MSRA: variants seen among roughly 807,000 people sequenced by gnomAD.
MSRA encodes the protein mitochondrial peptide methionine sulfoxide reductase.
MSRA carries 54 observed loss-of-function variants against 31.3 expected under a neutral mutation model. The ratio of observed to expected loss-of-function variants is 1.73; its 90% CI spans 1.39 to 2.17. The LOEUF is 2.17. Among genes scored for constraint, MSRA ranks in the 30% most tolerant of loss-of-function variants. The pLI is 0.00. For synonymous variants in MSRA, 169 were observed against 116.5 expected (o/e 1.45, Z -2.90); for missense variants, 507 against 300.9 (o/e 1.69, Z -5.07).
chr8:10,087,895 A>C (rs1798649925), intron 1 of MSRA, among the ~76,000 whole-genome samples: 1 of 152,260 alleles, frequency 6.6e-6, no homozygotes. Context: ...TAAACCTCAT[A>C]CATATAAATC....
At chr8:10,086,969 G>T (rs989940740) in intron 1 of MSRA, among the ~76,000 whole-genome samples, 1 of 152,008 alleles carries the variant, frequency 6.6e-6, no homozygotes, top group Non-Finnish European at 1.5e-5. Context: ...CCTTAGGAAG[G>T]AGGGCTCTCA....
intron 1 of MSRA, among the ~76,000 whole-genome samples, chr8:10,172,351 G>A (rs2129046806): frequency 6.6e-6 from 1 of 152,282 alleles, no homozygotes; most frequent in Non-Finnish European, 1.5e-5. Context: ...CAGAAAAGAT[G>A]GGACTGGTAG....
intron 5 of MSRA, chr8:10,353,566 T>C (rs1418887861): frequency 4.4e-6 from 2 of 455,508 alleles, no homozygotes; most frequent in Non-Finnish European, 8.8e-6. Flanking sequence ...CGAGATGCAA[T>C]TTTCTGGGTA....
intron 1 of MSRA, among the ~76,000 whole-genome samples, chr8:10,070,321 A>G (rs1345592679): frequency 6.6e-6 from 1 of 152,224 alleles, no homozygotes; most frequent in Non-Finnish European, 1.5e-5. Flanking sequence ...ACCTAGTCAC[A>G]TTTGATGAAA....
chr8:10,111,505 C>T (rs1312741319), intron 1 of MSRA, among the ~76,000 whole-genome samples: 1 of 152,146 alleles, frequency 6.6e-6, no homozygotes, highest in Non-Finnish European at 1.5e-5. Context: ...TTCTTCACTC[C>T]TGCAGTAAGG....
intron 5 of MSRA, among the ~76,000 whole-genome samples, chr8:10,379,810 G>A (rs141773620): frequency 1.2e-4 from 18 of 152,286 alleles, no homozygotes; most frequent in African/African-American, 3.4e-4. Flanking sequence ...GTCTGCAGGC[G>A]TGCTCCATCA....
chr8:10,207,605 C>G (rs1006273132), intron 1 of MSRA, among the ~76,000 whole-genome samples: 1 of 152,132 alleles, frequency 6.6e-6, no homozygotes, highest in Non-Finnish European at 1.5e-5. Context: ...TGCACAAGCT[C>G]AGACCTCAGC....
rs1231330235 is a variant in MSRA, at chr8:10,138,875, CA to C, written c.143-68957del. 2.0e-4 allele frequency among the ~76,000 whole-genome samples: 31 copies of C among 152,108 alleles called. 1 individual carries two copies. The highest frequency in any genetic ancestry group is 7.4e-5 in the Non-Finnish European group (5 of 68,022). On this transcript the variant is annotated intron_variant, in intron 1 of 5. Coordinates refer to ENST00000317173, the MANE Select transcript of MSRA (RefSeq NM_012331.5). ...CTTAAAATGATAGCAGCAGCAGCAG[CA>C]GCAAGACTCACAGCAGCAGAGCTAG... is the stretch of plus-strand genomic sequence containing the variant.
chr8:10,413,067 C>A (rs762404933), intron 5 of MSRA, among the ~76,000 whole-genome samples: 8 of 152,204 alleles, frequency 5.3e-5, no homozygotes, highest in Non-Finnish European at 1.0e-4. Context: ...CAGGAAACAA[C>A]CTAAGTGGCC....
chr8:10,071,838 G>C (rs547191707), intron 1 of MSRA, among the ~76,000 whole-genome samples: 1 of 152,148 alleles, frequency 6.6e-6, no homozygotes, highest in Non-Finnish European at 1.5e-5. Flanking sequence ...CCAGACACTT[G>C]TGCCCGCTGT....
intron 1 of MSRA, among the ~76,000 whole-genome samples, chr8:10,063,262 T>A (rs920594414): frequency 6.6e-6 from 1 of 152,206 alleles, no homozygotes; most frequent in African/African-American, 2.4e-5. Context: ...TGACTTCTTT[T>A]CTTCATTGGT....
intron 5 of MSRA, among the ~76,000 whole-genome samples, chr8:10,367,705 C>T (rs1275474705): frequency 2.6e-5 from 4 of 152,342 alleles, no homozygotes; most frequent in African/African-American, 4.8e-5. Flanking sequence ...GCTCCGATCG[C>T]GGGCATCCCA....
intron 3 of MSRA, among the ~76,000 whole-genome samples, chr8:10,269,774 C>G (rs1360212763): frequency 6.6e-6 from 1 of 152,220 alleles, no homozygotes; most frequent in Non-Finnish European, 1.5e-5. Context: ...GCCTCAGCCT[C>G]CTGAGTAGCT....
chr8:10,162,273 A>G (rs1804729751), intron 1 of MSRA, among the ~76,000 whole-genome samples: 1 of 151,958 alleles, frequency 6.6e-6, no homozygotes, highest in South Asian at 2.1e-4. Flanking sequence ...GAGTGGTCAG[A>G]CCCTTCATGA....
chr8:10,166,400 A>G (rs1453552824), intron 1 of MSRA, among the ~76,000 whole-genome samples: 1 of 130,170 alleles, frequency 7.7e-6, no homozygotes, highest in Non-Finnish European at 1.7e-5. Context: ...GTGTGCTCAT[A>G]TGTGTGTATG....
chr8:10,138,877 GCA>G lies in MSRA; in HGVS notation c.143-68955_143-68954del, dbSNP rs767531035. 2.0e-4 allele frequency among the ~76,000 whole-genome samples: 31 copies of G among 152,142 alleles called. 1 individual carries two copies. Among genetic ancestry groups the G allele is most frequent in the Non-Finnish European group, 7.3e-5 (5 of 68,042 alleles). ...TAAAATGATAGCAGCAGCAGCAGCA[GCA>G]AGACTCACAGCAGCAGAGCTAGCTA... On this transcript the variant is annotated intron_variant, in intron 1 of 5. Coordinates refer to ENST00000317173, the MANE Select transcript of MSRA (RefSeq NM_012331.5).
chr8:10,198,511 C>T (rs1283439911), intron 1 of MSRA, among the ~76,000 whole-genome samples: 1 of 152,168 alleles, frequency 6.6e-6, no homozygotes, highest in African/African-American at 2.4e-5. Flanking sequence ...GTATTTTAAA[C>T]AGTTCTGTTG....
chr8:10,209,086 C>G (rs1260196052), intron 2 of MSRA, among the ~76,000 whole-genome samples: 2 of 152,196 alleles, frequency 1.3e-5, no homozygotes, highest in African/African-American at 2.4e-5. Flanking sequence ...TTAAAACATA[C>G]TGATCAGTGA....
intron 3 of MSRA, among the ~76,000 whole-genome samples, chr8:10,259,072 A>T (rs1471274876): frequency 3.3e-5 from 5 of 150,490 alleles, no homozygotes; most frequent in Admixed American, 2.7e-4. Flanking sequence ...TTGCCACTGC[A>T]CTCCAGCTTG....
Sources: allele counts gnomAD v4.1 joint callset (sites outside exome capture counted in the v4.1 genomes callset), GRCh38; gene constraint gnomAD v4.1.1; transcripts MANE v1.5; gene names NCBI Gene and HGNC (gene_info 2026-07-23, HGNC 2026-07-21).